Variants in IFT56 observed in about 807,000 individuals in gnomAD.
The protein encoded by IFT56 is intraflagellar transport protein 56.
At chr7:139,149,221 C>T in the IFT56 span, among the ~76,000 whole-genome samples, 10 of 147,678 alleles carry the variant, frequency 6.8e-5, no homozygotes, top group African/African-American at 1.3e-4. Flanking sequence ...AGGAGAATGG[C>T]GTGAACTCGG....
chr7:139,154,227 G>T, the IFT56 span, among the ~76,000 whole-genome samples: 38 of 151,854 alleles, frequency 2.5e-4, no homozygotes, highest in African/African-American at 9.0e-4. Flanking sequence ...ATATATTCTA[G>T]GTTCAGTCCC....
the IFT56 span, chr7:139,189,497 C>A: frequency 1.8e-6 from 2 of 1,139,048 alleles, no homozygotes; most frequent in Non-Finnish European, 1.3e-6. Flanking sequence ...ATTTTCACTC[C>A]AGTTTAATCT....
the IFT56 span, among the ~76,000 whole-genome samples, chr7:139,185,683 A>C: frequency 1.3e-5 from 2 of 152,132 alleles, no homozygotes; most frequent in Non-Finnish European, 2.9e-5. Flanking sequence ...TCTGGAAGTG[A>C]CACACAGAGA....
chr7:139,181,041 TG>T, the IFT56 span: 6 of 1,148,666 alleles, frequency 5.2e-6, no homozygotes, highest in Admixed American at 8.2e-5. Flanking sequence ...AAATTATTTT[TG>T]TACAGTAAAA....
the IFT56 span, among the ~76,000 whole-genome samples, chr7:139,180,178 A>C: frequency 1.3e-5 from 2 of 150,564 alleles, no homozygotes; most frequent in African/African-American, 4.9e-5. Flanking sequence ...TCTACTAAAA[A>C]TACAAAAAAT....
At chr7:139,150,731 C>T in the IFT56 span, among the ~76,000 whole-genome samples, 1 of 152,188 alleles carries the variant, frequency 6.6e-6, no homozygotes, top group Non-Finnish European at 1.5e-5. Flanking sequence ...CAGTGTCTCA[C>T]AAACACCAAT....
the IFT56 span, chr7:139,147,040 A>T: frequency 6.4e-7 from 1 of 1,557,774 alleles, no homozygotes; most frequent in Non-Finnish European, 8.7e-7. Context: ...AGAGAGACAC[A>T]ATGGCTAAAG....
At chr7:139,158,032 G>T in the IFT56 span, among the ~76,000 whole-genome samples, 16 of 152,008 alleles carry the variant, frequency 1.1e-4, no homozygotes, top group Non-Finnish European at 2.1e-4. Context: ...ATACCTACCC[G>T]GCCAGGCACA....
the IFT56 span, among the ~76,000 whole-genome samples, chr7:139,146,766 CA>C: frequency 0.055 from 4,833 of 88,632 alleles, 188 homozygotes; most frequent in African/African-American, 0.15. Context: ...GACTCCGTTT[CA>C]AAAAAAAAAA....
chr7:139,161,304 C>T, the IFT56 span: 2 of 348,086 alleles, frequency 5.7e-6, no homozygotes, highest in Middle Eastern at 7.7e-4. Context: ...ACGTATCCCT[C>T]TGTGGTTTAA....
the IFT56 span, among the ~76,000 whole-genome samples, chr7:139,157,287 C>T: frequency 6.6e-6 from 1 of 151,056 alleles, no homozygotes; most frequent in Non-Finnish European, 1.5e-5. Context: ...GCTGGGATTA[C>T]AGACATCCGC....
At chr7:139,182,843 C>T in the IFT56 span, among the ~76,000 whole-genome samples, 3 of 152,196 alleles carry the variant, frequency 2.0e-5, no homozygotes, top group Non-Finnish European at 2.9e-5. Flanking sequence ...CCCATTTAAT[C>T]AAAAACCAAG....
At chr7:139,138,532 C>A in the IFT56 span, among the ~76,000 whole-genome samples, 7 of 152,100 alleles carry the variant, frequency 4.6e-5, no homozygotes, top group Non-Finnish European at 1.0e-4. Flanking sequence ...ATCTTGTGTA[C>A]GTTTTACTTT....
At chr7:139,178,082 G>C in the IFT56 span, 1 of 679,826 alleles carries the variant, frequency 1.5e-6, no homozygotes, top group Non-Finnish European at 2.5e-6. Context: ...TGAAGAAAAT[G>C]TATAATGTCA....
chr7:139,179,797 A>G, the IFT56 span, among the ~76,000 whole-genome samples: 5 of 152,174 alleles, frequency 3.3e-5, no homozygotes, highest in African/African-American at 7.2e-5. Flanking sequence ...TGTTAATGCT[A>G]CTCAGTAAGA....
chr7:139,167,081 GC>G, the IFT56 span, among the ~76,000 whole-genome samples: 1 of 152,146 alleles, frequency 6.6e-6, no homozygotes, highest in Non-Finnish European at 1.5e-5. Context: ...AATGTTCTAG[GC>G]TTTTTGATGT....
At chr7:139,138,005 T>C in the IFT56 span, 2 of 911,262 alleles carry the variant, frequency 2.2e-6, no homozygotes, top group Non-Finnish European at 3.4e-6. Flanking sequence ...CTTTATATTA[T>C]AATAATACAT....
the IFT56 span, among the ~76,000 whole-genome samples, chr7:139,180,114 G>C: frequency 1.3e-5 from 2 of 150,108 alleles, no homozygotes; most frequent in African/African-American, 4.9e-5. Flanking sequence ...AAGGCGGGTG[G>C]ATCACGAGGT....
chr7:139,142,159 T>G, the IFT56 span: 3 of 1,280,878 alleles, frequency 2.3e-6, no homozygotes, highest in African/African-American at 1.5e-5. Flanking sequence ...ATCAGATGAG[T>G]AAGGTTTGGG....
Sources: allele counts gnomAD v4.1 joint callset (sites outside exome capture counted in the v4.1 genomes callset), GRCh38; gene constraint gnomAD v4.1.1; transcripts MANE v1.5; gene names NCBI Gene and HGNC (gene_info 2026-07-23, HGNC 2026-07-21).